The following CLEC4A variants were observed in gnomAD, a reference collection of about 807,000 sequenced individuals.
The protein encoded by CLEC4A is C-type (calcium dependent, carbohydrate-recognition domain) lectin, superfamily member 6.
In CLEC4A, 27 loss-of-function variants were observed where a neutral mutation model predicts 32.7. The ratio of observed to expected loss-of-function variants is 0.83; its 90% CI spans 0.61 to 1.14. The LOEUF (loss-of-function observed/expected upper bound fraction) is 1.14, where lower values mean the gene tolerates loss of function less well. Ranked by LOEUF, CLEC4A falls within the 50% of genes most tolerant of loss-of-function variation. The pLI, the probability that CLEC4A is intolerant of heterozygous loss-of-function variation, is 0.00. For missense variants in CLEC4A, 253 were observed against 274.6 expected, an observed-to-expected ratio of 0.92 and a Z score of 0.55; for synonymous variants, 89 against 93.7, an observed-to-expected ratio of 0.95 and a Z score of 0.29.
rs150108595 is a variant in CLEC4A, at chr12:8,136,868, A to G, written c.531A>G (p.Gln177=). The change falls in exon 5 of 6, where the codon CAA becomes CAG. Residue 177 remains glutamine, a synonymous_variant. Coordinates refer to ENST00000229332, the MANE Select transcript of CLEC4A (RefSeq NM_016184.4). ...ATCCAGAAGGTCAGCGACATTGGCA[A>G]TGGGTTGATCAGACACCATACAATG... ...LSDPEGQRHW[Q]WVDQTPYNES... 1.5e-5 allele frequency: 25 copies of G among 1,613,218 alleles called. No individual in the cohort carries two copies. Among genetic ancestry groups the G allele is most frequent in the Non-Finnish European group, 2.0e-5 (23 of 1,179,342 alleles).
intron 1 of CLEC4A, among the ~76,000 whole-genome samples, chr12:8,125,273 C>T (rs889450642): frequency 4.6e-5 from 7 of 152,016 alleles, no homozygotes; most frequent in Admixed American, 4.6e-4. Context: ...TGTATATATA[C>T]ATTCAAAAAA....
In CLEC4A at chr12:8,129,674, C is replaced by G. The variant is rs546497792; in HGVS notation, c.298+312C>G. 3.9e-5 allele frequency among the ~76,000 whole-genome samples: 6 copies of G among 152,262 alleles called. No homozygotes were observed. The South Asian group carries it at 1.2e-3, about 32-fold the overall frequency. On this transcript the variant is annotated intron_variant, in intron 3 of 5. Transcript: ENST00000229332. ...GGCATGGTGGTACACACCTGTAATC[C>G]CAGCTACTCGGGAGGCTGAGGCAGG...
At chr12:8,108,341 T>G in the CLEC4A span, among the ~76,000 whole-genome samples, 4 of 152,258 alleles carry the variant, frequency 2.6e-5, no homozygotes, top group Non-Finnish European at 5.9e-5. Context: ...GAGTTGCTGA[T>G]ACATTTGGTA....
At position 8,138,328 on chromosome 12, in the gene CLEC4A, G is replaced by T. The variant is rs772727611; in HGVS notation, c.*41G>T. ...TGAACAGGTGGTTGGATTGGTATCT[G>T]TCATTGTAGGGATAGATAATAAGCT... is the stretch of plus-strand genomic sequence containing the variant. On this transcript the variant is annotated 3_prime_UTR_variant, in exon 6 of 6. Coordinates refer to ENST00000229332, the MANE Select transcript of CLEC4A (RefSeq NM_016184.4). 1.9e-6 allele frequency: 3 copies of T among 1,606,630 alleles called. No homozygotes were observed. Among genetic ancestry groups the T allele is most frequent in the Admixed American group, 1.7e-5 (1 of 59,610 alleles).
chr12:8,133,431 T>TGAG (rs1948035711), intron 3 of CLEC4A, among the ~76,000 whole-genome samples: 1 of 152,226 alleles, frequency 6.6e-6, no homozygotes, highest in Non-Finnish European at 1.5e-5. Context: ...CTCTATCCCC[T>TGAG]TCATTCTGCT....
At chr12:8,124,108 G>T in intron 1 of CLEC4A, 148 bp downstream of exon 1, 1 of 630,124 alleles carries the variant, frequency 1.6e-6, no homozygotes, top group East Asian at 2.7e-5. Flanking sequence ...TGAGTGGCCT[G>T]CAGATACGCA....
At chr12:8,119,171 T>C (rs751097845), upstream of CLEC4A, among the ~76,000 whole-genome samples, 7 of 152,224 alleles carry the variant, frequency 4.6e-5, no homozygotes, top group Non-Finnish European at 8.8e-5. Flanking sequence ...CTAGCCTTGC[T>C]GCAAAAATGG....
At chr12:8,102,934 C>T in the CLEC4A span, among the ~76,000 whole-genome samples, 133,677 of 152,150 alleles carry the variant, frequency 0.88, 60,738 homozygotes, top group Non-Finnish European at 0.99. Context: ...TCCTGAACTG[C>T]GTCTTTTCTT....
chr12:8,130,971 G>A (rs767621176), intron 3 of CLEC4A, among the ~76,000 whole-genome samples: 17 of 152,176 alleles, frequency 1.1e-4, no homozygotes, highest in Non-Finnish European at 2.2e-4. Flanking sequence ...CGTCTTGGCT[G>A]TGGTAGTTTC....
Position 8,124,860 on chromosome 12 carries a change from G to T in CLEC4A, c.83-701G>T, listed in dbSNP as rs776206903. Among the ~76,000 whole-genome samples, 6 of 152,222 alleles carry T rather than the reference G, an allele frequency of 3.9e-5. No homozygotes were observed. The South Asian group carries it at 6.2e-4, about 16-fold the overall frequency. On this transcript the variant is annotated intron_variant, in intron 1 of 5. Coordinates refer to ENST00000229332, the MANE Select transcript of CLEC4A (RefSeq NM_016184.4). ...TATCATCTAGAGAAAATCATAATTT[G>T]CAATTTAGTGAATATCCTTCCACAT... is the stretch of plus-strand genomic sequence containing the variant.
chr12:8,129,329 T>A lies in CLEC4A; in HGVS notation c.265T>A (p.Leu89Met). 6.2e-7 allele frequency: 1 copy of A among 1,607,734 alleles called. No individual in the cohort carries two copies. The highest frequency in any genetic ancestry group is 8.5e-7 in the Non-Finnish European group (1 of 1,177,338). ...KTTKELVHTT[L>M]ECVKKNMPVE... is the part of the protein sequence containing the mutation. ...TACAAAAGAGCTGGTTCATACAACA[T>A]TGGAGTGTGTGAAAAAAAATATGCC... The change falls in exon 3 of 6, where the codon TTG becomes ATG. Residue 89 changes from leucine (L) to methionine (M), a missense_variant. By Grantham distance (15) the Leu-to-Met change is conservative. Coordinates refer to ENST00000229332, the MANE Select transcript of CLEC4A (RefSeq NM_016184.4).
upstream of CLEC4A, among the ~76,000 whole-genome samples, chr12:8,123,279 A>G (rs2120560852): frequency 6.6e-6 from 1 of 152,306 alleles, no homozygotes; most frequent in South Asian, 2.1e-4. Context: ...CAGCTTCAGA[A>G]GACATGGGGT....
chr12:8,118,956 T>C (rs951916553), upstream of CLEC4A, among the ~76,000 whole-genome samples: 1 of 152,220 alleles, frequency 6.6e-6, no homozygotes, highest in African/African-American at 2.4e-5. Flanking sequence ...CCTTAGAAGA[T>C]ACAATCATCA....
chr12:8,133,877 C>T, intron 3 of CLEC4A: 1 of 1,584,634 alleles, frequency 6.3e-7, no homozygotes, highest in Non-Finnish European at 8.6e-7. Flanking sequence ...GTGAGGGCTC[C>T]CATAGCCTGG....
In CLEC4A at chr12:8,137,274, A is replaced by G. The variant is rs746676261; in HGVS notation, c.566+371A>G. ...GATCATAACCAATTATTAAGATTTA[A>G]TAATGCTTTTTTTTTCTTTTTTGAG... On this transcript the variant is annotated intron_variant, in intron 5 of 5. Coordinates refer to ENST00000229332, the MANE Select transcript of CLEC4A (RefSeq NM_016184.4). Among the ~76,000 whole-genome samples, 12 of 74,024 alleles carry G rather than the reference A, an allele frequency of 1.6e-4. No homozygotes were observed. In the East Asian group the frequency reaches 6.1e-3, roughly 38 times the overall value. The allele number at this position is 74,024 out of a possible 152,430, so 48.6% of individuals were successfully genotyped here.
intron 3 of CLEC4A, among the ~76,000 whole-genome samples, chr12:8,132,735 G>A (rs989839875): frequency 6.6e-6 from 1 of 152,142 alleles, no homozygotes; most frequent in African/African-American, 2.4e-5. Flanking sequence ...AGGTGTTGAT[G>A]TATCCACCTA....
At chr12:8,110,341 C>A in the CLEC4A span, among the ~76,000 whole-genome samples, 1 of 152,090 alleles carries the variant, frequency 6.6e-6, no homozygotes, top group Non-Finnish European at 1.5e-5. Flanking sequence ...TGACAACATG[C>A]TAGTGTCAAA....
chr12:8,123,426 G>T (rs1947850723), upstream of CLEC4A, among the ~76,000 whole-genome samples: 1 of 152,152 alleles, frequency 6.6e-6, no homozygotes, highest in Non-Finnish European at 1.5e-5. Context: ...TTGATGAGAT[G>T]AATGCAACAT....
At chr12:8,128,602 G>T (rs4264221) in intron 2 of CLEC4A, among the ~76,000 whole-genome samples, 1 of 151,968 alleles carries the variant, frequency 6.6e-6, no homozygotes, top group East Asian at 1.9e-4. Context: ...GTAGAGACGA[G>T]GTTTCACCAT....
Sources: allele counts gnomAD v4.1 joint callset (sites outside exome capture counted in the v4.1 genomes callset), GRCh38; gene constraint gnomAD v4.1.1; transcripts MANE v1.5; gene names NCBI Gene and HGNC (gene_info 2026-07-23, HGNC 2026-07-21).